Variants in ACYP2 observed in about 807,000 individuals in gnomAD.
ACYP2 encodes the protein acylphosphatase 2.
A neutral mutation model predicts 11.2 loss-of-function variants in ACYP2; 12 were observed. That is an observed-to-expected ratio of 1.08 (90% CI 0.69 to 1.74). ACYP2 has a LOEUF of 1.74. Among genes scored for constraint, ACYP2 ranks in the 40% most tolerant of loss-of-function variants. The probability of loss-of-function intolerance (pLI) is 0.00; values close to 1 mark genes in which losing one functional copy is unlikely to be tolerated. For synonymous variants in ACYP2, 43 were observed against 32.2 expected, an observed-to-expected ratio of 1.33 and a Z score of -1.13; for missense variants, 134 against 101.9, an observed-to-expected ratio of 1.31 and a Z score of -1.35.
chr2:54,251,618 G>T (rs1687229382), intron 6 of ACYP2, among the ~76,000 whole-genome samples: 1 of 148,272 alleles, frequency 6.7e-6, no homozygotes, highest in South Asian at 2.1e-4. Flanking sequence ...ATTCTCCCAT[G>T]TGTCTCATGT....
intron 2 of ACYP2, among the ~76,000 whole-genome samples, chr2:53,986,744 C>A (rs1267829200): frequency 2.0e-5 from 3 of 151,236 alleles, no homozygotes. Context: ...CCTGCCTCAG[C>A]CTCCTGAGTA....
chr2:54,102,981 C>G (rs1678979701), intron 4 of ACYP2, among the ~76,000 whole-genome samples: 1 of 152,164 alleles, frequency 6.6e-6, no homozygotes, highest in Admixed American at 6.6e-5. Context: ...ATCCCTACCT[C>G]TCATTGTAGC....
rs1470715644 is a variant in ACYP2, at chr2:54,100,055, A to G, written c.278-35398A>G. 3.2e-4 allele frequency among the ~76,000 whole-genome samples: 48 copies of G among 152,342 alleles called. 1 individual carries two copies. The highest frequency in any genetic ancestry group is 3.1e-3 in the Admixed American group (47 of 15,306). The stretch of plus-strand genomic sequence containing the variant: ...TGTTCTTCTCTTTTACTTCTGTTAA[A>G]TGCAAATTTAAGTCTTCCAGGTGTA... On this transcript the variant is annotated intron_variant, in intron 4 of 6. Coordinates refer to ENST00000607452, the MANE Select transcript of ACYP2 (RefSeq NM_001320586.2).
intron 6 of ACYP2, among the ~76,000 whole-genome samples, chr2:54,221,391 A>G (rs1289370322): frequency 6.6e-6 from 1 of 152,224 alleles, no homozygotes; most frequent in Non-Finnish European, 1.5e-5. Context: ...AAGTAAAATT[A>G]TAGATGGCTA....
At chr2:54,015,645 TCACACACACA>T (rs4027206) in intron 2 of ACYP2, among the ~76,000 whole-genome samples, 75 of 130,482 alleles carry the variant, frequency 5.7e-4, no homozygotes, top group Admixed American at 1.8e-3. Flanking sequence ...TGAGACCCCG[TCACACACACA>T]CACACACACA....
At chr2:54,179,076 A>C (rs1683594916) in intron 6 of ACYP2, among the ~76,000 whole-genome samples, 1 of 152,124 alleles carries the variant, frequency 6.6e-6, no homozygotes, top group South Asian at 2.1e-4. Flanking sequence ...CACATGGTGC[A>C]AAGGGTGAGG....
chr2:54,287,205 C>T (rs911016925), intron 6 of ACYP2, among the ~76,000 whole-genome samples: 1 of 151,834 alleles, frequency 6.6e-6, no homozygotes, highest in South Asian at 2.1e-4. Flanking sequence ...CAAGGTGGCA[C>T]CTTGAACACC....
chr2:54,191,874 CAT>C (rs1684255660), intron 6 of ACYP2, among the ~76,000 whole-genome samples: 2 of 152,230 alleles, frequency 1.3e-5, no homozygotes, highest in East Asian at 1.9e-4. Context: ...AGATAATAAA[CAT>C]ATGTAGACAG....
At chr2:54,099,530 G>A (rs371383485) in intron 4 of ACYP2, among the ~76,000 whole-genome samples, 4 of 152,102 alleles carry the variant, frequency 2.6e-5, no homozygotes, top group Admixed American at 6.5e-5. Context: ...GAGATCATGC[G>A]ATATTTGTCT....
chr2:54,206,170 A>G (rs1254250877), intron 6 of ACYP2, among the ~76,000 whole-genome samples: 1 of 152,148 alleles, frequency 6.6e-6, no homozygotes, highest in East Asian at 1.9e-4. Context: ...GAAACTTTCC[A>G]TATTTTTGTT....
At chr2:54,131,248 G>A (rs1265359640) in intron 4 of ACYP2, among the ~76,000 whole-genome samples, 2 of 152,172 alleles carry the variant, frequency 1.3e-5, no homozygotes, top group Non-Finnish European at 2.9e-5. Context: ...ATTGGAGCAG[G>A]TAATTTCCTT....
intron 3 of ACYP2, chr2:54,051,413 A>G: frequency 1.4e-6 from 1 of 721,758 alleles, no homozygotes; most frequent in South Asian, 1.5e-5. Flanking sequence ...AAGGCCCATT[A>G]TGAAAGAGAA....
intron 6 of ACYP2, among the ~76,000 whole-genome samples, chr2:54,162,042 C>CT (rs1209652941): frequency 2.0e-5 from 3 of 150,064 alleles, no homozygotes; most frequent in Admixed American, 1.3e-4. Flanking sequence ...TAGATTCTTA[C>CT]TTTTTTTTGT....
chr2:54,121,441 G>T (rs943991629), intron 4 of ACYP2, among the ~76,000 whole-genome samples: 1 of 152,306 alleles, frequency 6.6e-6, no homozygotes, highest in Admixed American at 6.5e-5. Context: ...TTTCACCGGA[G>T]ACCTGTCCCT....
intron 2 of ACYP2, among the ~76,000 whole-genome samples, chr2:54,035,106 C>CA (rs1466528864): frequency 6.7e-6 from 1 of 150,060 alleles, no homozygotes; most frequent in Non-Finnish European, 1.5e-5. Flanking sequence ...CAGCCTTGGG[C>CA]AAAATCACTT....
chr2:54,021,393 G>A (rs532487975), intron 2 of ACYP2, among the ~76,000 whole-genome samples: 1 of 152,246 alleles, frequency 6.6e-6, no homozygotes, highest in South Asian at 2.1e-4. Context: ...CAGGGGAGCT[G>A]AACATATTGA....
chr2:54,252,776 C>A (rs1021067860), intron 6 of ACYP2, among the ~76,000 whole-genome samples: 2 of 152,066 alleles, frequency 1.3e-5, no homozygotes, highest in East Asian at 1.9e-4. Flanking sequence ...TGGTTGCGGG[C>A]ACCTGTAGTC....
intron 6 of ACYP2, among the ~76,000 whole-genome samples, chr2:54,183,907 A>T (rs1293025803): frequency 3.9e-5 from 6 of 152,222 alleles, no homozygotes; most frequent in African/African-American, 1.4e-4. Flanking sequence ...TTGGTATCAC[A>T]CTTGGAGCAT....
intron 6 of ACYP2, among the ~76,000 whole-genome samples, chr2:54,262,397 T>C (rs954741332): frequency 2.0e-5 from 3 of 152,248 alleles, no homozygotes; most frequent in African/African-American, 4.8e-5. Context: ...AATTTTAAAA[T>C]AGATATTATA....
Sources: allele counts gnomAD v4.1 joint callset (sites outside exome capture counted in the v4.1 genomes callset), GRCh38; gene constraint gnomAD v4.1.1; transcripts MANE v1.5; gene names NCBI Gene and HGNC (gene_info 2026-07-23, HGNC 2026-07-21).